DENND2B: variants seen among roughly 807,000 people sequenced by gnomAD.
The protein encoded by DENND2B is DENN domain containing 2B.
In DENND2B, 32 loss-of-function variants were observed where a neutral mutation model predicts 116.0. The observed-to-expected ratio is 0.28, with a 90% CI of 0.21 to 0.37. The LOEUF is 0.37. DENND2B is among the 10% of genes least tolerant of loss of function. DENND2B has a pLI of 1.00. For synonymous variants in DENND2B, 588 were observed against 583.9 expected (o/e 1.01, Z -0.10); for missense variants, 1,276 against 1,477.7 (o/e 0.86, Z 2.24).
rs2053219960 is a variant in DENND2B at position 8,754,310 on chromosome 11, T to C, written c.-25-3585A>G. ...AAGGTATAAACTTGGCCAATAAGCA[T>C]ACGAAACAATGCTCAATATCATTAG... On this transcript the variant is annotated intron_variant, in intron 1 of 19. Coordinates refer to ENST00000313726, the MANE Select transcript of DENND2B (RefSeq NM_213618.2). 2.0e-5 allele frequency among the ~76,000 whole-genome samples: 3 copies of C among 152,158 alleles called. No individual in the cohort carries two copies. The South Asian group carries it at 6.2e-4, about 31-fold the overall frequency.
intron 1 of DENND2B, among the ~76,000 whole-genome samples, chr11:8,755,202 C>G (rs1482852461): frequency 6.6e-6 from 1 of 152,172 alleles, no homozygotes; most frequent in East Asian, 1.9e-4. Context: ...GTAGTTCTCT[C>G]CCTCTGATTG....
intron 3 of DENND2B, among the ~76,000 whole-genome samples, chr11:8,849,381 T>C (rs968345114): frequency 2.0e-5 from 3 of 149,160 alleles, no homozygotes; most frequent in African/African-American, 7.5e-5. Context: ...TAATCCCAGC[T>C]ACTCAGGAGG....
rs746951825 is a variant in DENND2B at position 8,699,315 on chromosome 11, G to C, written c.2796C>G (p.Val932=). Residue 932 remains valine (V), a synonymous_variant, in exon 15 of 20, where the codon GTC becomes GTG. Coordinates refer to ENST00000313726, the MANE Select transcript of DENND2B (RefSeq NM_213618.2). ...CGATGTCAATCATGGAGGCCGGGAG[G>C]ACAGGAATGAAGGTGTGCTGCCAGG... ...PFSWQHTFIP[V]LPASMIDIVC... The C allele has an allele frequency of 1.3e-5, 21 of 1,606,906 alleles. No homozygotes were observed. Among genetic ancestry groups the C allele is most frequent in the Middle Eastern group, 3.4e-4 (2 of 5,946 alleles).
intron 2 of DENND2B, among the ~76,000 whole-genome samples, chr11:8,868,519 G>C (rs945696152): frequency 6.6e-6 from 1 of 152,190 alleles, no homozygotes; most frequent in Non-Finnish European, 1.5e-5. Context: ...GTTAGTCTGA[G>C]AGCCAGGCAT....
At chr11:8,703,028 A>T (rs2041997437) in intron 13 of DENND2B, 2 of 337,356 alleles carry the variant, frequency 5.9e-6, no homozygotes, top group Admixed American at 8.8e-5. Flanking sequence ...GCTCTTAGAG[A>T]TAGGGAGAAG....
chr11:8,818,853 G>T (rs1360432416), intron 4 of DENND2B, among the ~76,000 whole-genome samples: 1 of 152,142 alleles, frequency 6.6e-6, no homozygotes, highest in Non-Finnish European at 1.5e-5. Flanking sequence ...TGTCACCACA[G>T]AACCTAGACC....
intron 5 of DENND2B, 46 bp downstream of exon 5, chr11:8,717,695 G>C: frequency 6.7e-7 from 1 of 1,486,552 alleles, no homozygotes; most frequent in Admixed American, 2.3e-5. Context: ...GGCCCCCACT[G>C]TGGCCCTCAC....
At chr11:8,901,229 C>CTTTTCTTTTCTTTTCTTTTTT (rs781408078) in intron 1 of DENND2B, among the ~76,000 whole-genome samples, 1 of 83,916 alleles carries the variant, frequency 1.2e-5, no homozygotes, top group Non-Finnish European at 2.2e-5. Context: ...CTTTTCTTTT[C>CTTTTCTTTTCTTTTCTTTTTT]TTTTTTTTTT....
At chr11:8,822,142 T>A (rs533300293) in intron 4 of DENND2B, among the ~76,000 whole-genome samples, 2 of 152,236 alleles carry the variant, frequency 1.3e-5, no homozygotes, top group African/African-American at 4.8e-5. Flanking sequence ...GGTGGGTCAC[T>A]TAAACTATAC....
intron 2 of DENND2B, among the ~76,000 whole-genome samples, chr11:8,738,531 T>C (rs76247475): frequency 0.015 from 2,280 of 152,200 alleles, 29 homozygotes; most frequent in Middle Eastern, 0.068. Flanking sequence ...CCCAAACACA[T>C]TGATCTACTT....
At chr11:8,774,877 A>ATTTTTTTTTTTTTTTTTTTTTTTTTT (rs1565919434) in intron 1 of DENND2B, among the ~76,000 whole-genome samples, 1 of 143,734 alleles carries the variant, frequency 7.0e-6, no homozygotes, top group African/African-American at 2.6e-5. Flanking sequence ...TTTTTTTTTA[A>ATTTTTTTTTTTTTTTTTTTTTTTTTT]TTATTATTTT....
chr11:8,778,908 A>G (rs1263833026), intron 1 of DENND2B, among the ~76,000 whole-genome samples: 2 of 152,270 alleles, frequency 1.3e-5, no homozygotes, highest in African/African-American at 4.8e-5. Context: ...GCCCAGGCTA[A>G]GTTCTACTTT....
At chr11:8,757,557 A>G (rs1308592081) in intron 1 of DENND2B, among the ~76,000 whole-genome samples, 2 of 152,248 alleles carry the variant, frequency 1.3e-5, no homozygotes, top group African/African-American at 2.4e-5. Flanking sequence ...AAGGGGACCT[A>G]AGGAAAAGCA....
rs144234482 is a variant in DENND2B, at chr11:8,730,402, C to T, written c.888G>A (p.Pro296=). ...QKIEQVLKEQ[P]GRGLPQLPSS... is the part of the protein sequence containing the mutation. ...TGGGGAGCTGGGGGAGCCCCCGGCC[C>T]GGCTGCTCCTTCAGGACCTGTTCAA... Residue 296 remains proline (P), a synonymous_variant, in exon 3 of 20, where the codon CCG becomes CCA. Coordinates refer to ENST00000313726, the MANE Select transcript of DENND2B (RefSeq NM_213618.2). The surrounding 1 kb of genome is among the most constrained non-coding windows in gnomAD (Gnocchi z 4.1). 246 of 1,606,350 alleles carry T rather than the reference C, an allele frequency of 1.5e-4. 1 individual carries two copies. The African/African-American group carries it at 2.7e-3, about 18-fold the overall frequency.
At chr11:8,880,363 G>C (rs1426927498) in intron 2 of DENND2B, among the ~76,000 whole-genome samples, 1 of 151,790 alleles carries the variant, frequency 6.6e-6, no homozygotes, top group East Asian at 1.9e-4. Context: ...GTGTGTGTGT[G>C]TGTGTGTGTG....
At chr11:8,862,764 C>T (rs2063440605) in intron 2 of DENND2B, among the ~76,000 whole-genome samples, 1 of 152,114 alleles carries the variant, frequency 6.6e-6, no homozygotes, top group South Asian at 2.1e-4. Flanking sequence ...GCTGACCCAC[C>T]AGGACCACAG....
chr11:8,711,959 A>C (rs1448746684), intron 9 of DENND2B: 1 of 456,046 alleles, frequency 2.2e-6, no homozygotes, highest in East Asian at 7.0e-5. Flanking sequence ...AGACCTCCTG[A>C]AAGAGGTCCT....
upstream of DENND2B, among the ~76,000 whole-genome samples, chr11:8,872,473 T>TGA (rs1402371145): frequency 1.6e-5 from 2 of 127,366 alleles, no homozygotes; most frequent in African/African-American, 5.9e-5. Flanking sequence ...GGCAACAGAG[T>TGA]GAGACTCCGT....
chr11:8,751,026 A>G (rs57145477), intron 1 of DENND2B, among the ~76,000 whole-genome samples: 2,832 of 152,160 alleles, frequency 0.019, 90 homozygotes, highest in African/African-American at 0.065. Flanking sequence ...GGGTTTGTGG[A>G]TGCACCAATC....
Sources: gnomAD v4.1 joint callset for allele counts (sites outside exome capture counted in the v4.1 genomes callset) on GRCh38, gnomAD v4.1.1 for gene constraint, Gnocchi (gnomAD v3.1) non-coding constraint, MANE v1.5 for transcripts, NCBI Gene and HGNC (gene_info 2026-07-23, HGNC 2026-07-21) for gene names.